The following PPP1R9A variants were observed in gnomAD, a reference collection of about 807,000 sequenced individuals.
PPP1R9A encodes the protein neurabin-1.
A neutral mutation model predicts 141.9 loss-of-function variants in PPP1R9A; 59 were observed. That is an observed-to-expected ratio of 0.42 (90% CI 0.34 to 0.52). The LOEUF (loss-of-function observed/expected upper bound fraction) is 0.52, where lower values mean the gene tolerates loss of function less well. Among genes scored for constraint, PPP1R9A ranks in the 20% least tolerant of loss-of-function variants. The pLI is 0.10. For missense variants in PPP1R9A, 1,444 were observed against 1,611.9 expected (o/e 0.90, Z 1.78); for synonymous variants, 500 against 569.7 (o/e 0.88, Z 1.74).
intron 7 of PPP1R9A, among the ~76,000 whole-genome samples, chr7:95,220,112 C>G (rs1274115538): frequency 1.3e-5 from 2 of 151,994 alleles, no homozygotes; most frequent in African/African-American, 2.4e-5. Flanking sequence ...AGTGTACTAA[C>G]ATTATAAAAT....
At chr7:95,076,910 T>C (rs183901104) in intron 2 of PPP1R9A, among the ~76,000 whole-genome samples, 25 of 152,248 alleles carry the variant, frequency 1.6e-4, no homozygotes, top group African/African-American at 6.0e-4. Flanking sequence ...TTTTTAGTTA[T>C]ATTCTTTACA....
At chr7:95,260,465 G>A (rs796997871) in intron 12 of PPP1R9A, among the ~76,000 whole-genome samples, 15 of 152,230 alleles carry the variant, frequency 9.9e-5, no homozygotes, top group African/African-American at 3.6e-4. Flanking sequence ...GATCACCTGA[G>A]GTCAGGAGTT....
At chr7:94,942,663 G>A (rs1485246606) in intron 2 of PPP1R9A, among the ~76,000 whole-genome samples, 1 of 151,938 alleles carries the variant, frequency 6.6e-6, no homozygotes, top group African/African-American at 2.4e-5. Context: ...AATTAGCTGG[G>A]CATGGTGGCG....
At chr7:94,928,695 G>A (rs540844253) in intron 2 of PPP1R9A, among the ~76,000 whole-genome samples, 1 of 152,198 alleles carries the variant, frequency 6.6e-6, no homozygotes, top group African/African-American at 2.4e-5. Flanking sequence ...TGTGTATTCA[G>A]TACTATGTAA....
At chr7:95,118,240 T>C (rs1279444185) in intron 3 of PPP1R9A, among the ~76,000 whole-genome samples, 1 of 152,188 alleles carries the variant, frequency 6.6e-6, no homozygotes, top group Non-Finnish European at 1.5e-5. Flanking sequence ...ACTTTAAAAC[T>C]ATAATGAATG....
chr7:95,042,341 T>C (rs1385905073), intron 2 of PPP1R9A, among the ~76,000 whole-genome samples: 1 of 152,212 alleles, frequency 6.6e-6, no homozygotes, highest in African/African-American at 2.4e-5. Context: ...CTACTTATGC[T>C]ACTATTTTTA....
intron 2 of PPP1R9A, among the ~76,000 whole-genome samples, chr7:95,015,610 G>T (rs1304706407): frequency 6.6e-6 from 1 of 152,124 alleles, no homozygotes; most frequent in African/African-American, 2.4e-5. Flanking sequence ...CAAAATTTAT[G>T]ATGTTAATAT....
At chr7:95,005,411 C>G (rs1408518292) in intron 2 of PPP1R9A, among the ~76,000 whole-genome samples, 1 of 151,870 alleles carries the variant, frequency 6.6e-6, no homozygotes, top group Non-Finnish European at 1.5e-5. Flanking sequence ...TTTTGTCTTA[C>G]AATAAACTTT....
intron 10 of PPP1R9A, 118 bp from the exon 11 acceptor site, chr7:95,251,644 T>C (rs1798888262): frequency 4.4e-6 from 4 of 901,744 alleles, no homozygotes; most frequent in East Asian, 2.7e-5. Context: ...ACTGATTGAA[T>C]GTTGTCCATT....
chr7:95,217,045 C>T (rs1793559592), intron 7 of PPP1R9A, among the ~76,000 whole-genome samples: 1 of 152,118 alleles, frequency 6.6e-6, no homozygotes, highest in South Asian at 2.1e-4. Context: ...TGTCTTGTGC[C>T]AGTTTTCAAA....
At chr7:95,076,146 TC>T (rs1270077922) in intron 2 of PPP1R9A, among the ~76,000 whole-genome samples, 1 of 152,118 alleles carries the variant, frequency 6.6e-6, no homozygotes, top group Non-Finnish European at 1.5e-5. Context: ...GATGTGATCC[TC>T]CCACCTTGGC....
At chr7:95,185,434 T>C (rs1834510909) in intron 5 of PPP1R9A, among the ~76,000 whole-genome samples, 2 of 152,104 alleles carry the variant, frequency 1.3e-5, no homozygotes, top group Admixed American at 1.3e-4. Flanking sequence ...ATTAGTCCTG[T>C]GTCGGATGTA....
At chr7:94,992,725 A>T (rs913036474) in intron 2 of PPP1R9A, among the ~76,000 whole-genome samples, 1 of 152,116 alleles carries the variant, frequency 6.6e-6, no homozygotes, top group African/African-American at 2.4e-5. Context: ...ATGGCTAATG[A>T]TTTTGCATCT....
chr7:95,211,788 A>T (rs1415631892), intron 7 of PPP1R9A, among the ~76,000 whole-genome samples: 1 of 152,062 alleles, frequency 6.6e-6, no homozygotes, highest in Non-Finnish European at 1.5e-5. Flanking sequence ...GGAGTTCAAG[A>T]CCAGCCTGGA....
At chr7:94,992,869 T>C (rs113365998) in intron 2 of PPP1R9A, among the ~76,000 whole-genome samples, 5 of 152,226 alleles carry the variant, frequency 3.3e-5, no homozygotes, top group African/African-American at 1.2e-4. Flanking sequence ...ATAAGTAATA[T>C]ATTTATTCTG....
At chr7:95,097,209 A>G in intron 2 of PPP1R9A, among the ~76,000 whole-genome samples, 1 of 152,022 alleles carries the variant, frequency 6.6e-6, no homozygotes, top group East Asian at 1.9e-4. Context: ...TATTTTTAGT[A>G]GAGAAGGGGT....
chr7:95,189,057 G>A lies in PPP1R9A; in HGVS notation c.1755-9292G>A, dbSNP rs557312455. Among the ~76,000 whole-genome samples, 6 of 152,100 alleles carry A rather than the reference G, an allele frequency of 3.9e-5. No individual in the cohort carries two copies. The South Asian group carries it at 1.2e-3, about 32-fold the overall frequency. On this transcript the variant is annotated intron_variant, in intron 5 of 19. Coordinates refer to ENST00000433360, the MANE Select transcript of PPP1R9A (RefSeq NM_001166160.2). Reference sequence around the variant, plus strand: ...CTCCATTTTGAAGCTTAGTTTTGCTGGATACAGAGTTCTTGGTTTGTAAGT... The same window carrying A: ...CTCCATTTTGAAGCTTAGTTTTGCTAGATACAGAGTTCTTGGTTTGTAAGT...
chr7:95,119,733 C>T (rs757378279), intron 3 of PPP1R9A, among the ~76,000 whole-genome samples: 3 of 151,912 alleles, frequency 2.0e-5, no homozygotes, highest in Non-Finnish European at 4.4e-5. Flanking sequence ...GGATTACAGA[C>T]GTGAGCCACT....
chr7:94,930,440 C>G lies in PPP1R9A; in HGVS notation c.1395+18932C>G, dbSNP rs541377556. Among the ~76,000 whole-genome samples, 9 of 152,210 alleles carry G rather than the reference C, an allele frequency of 5.9e-5. No individual in the cohort carries two copies. The South Asian group carries it at 1.7e-3, about 28-fold the overall frequency. On this transcript the variant is annotated intron_variant, in intron 2 of 19. Coordinates refer to ENST00000433360, the MANE Select transcript of PPP1R9A (RefSeq NM_001166160.2). ...GCAACCTCTGCCTCCCAGGTTCAAG[C>G]GATTCTCCTGCCTCAGCCTCCCAAG...
Sources: gnomAD v4.1 joint callset for allele counts (sites outside exome capture counted in the v4.1 genomes callset) on GRCh38, gnomAD v4.1.1 for gene constraint, MANE v1.5 for transcripts, NCBI Gene and HGNC (gene_info 2026-07-23, HGNC 2026-07-21) for gene names.